DLG2: variants seen among roughly 807,000 people sequenced by gnomAD.
DLG2 encodes discs large MAGUK scaffold protein 2.
In DLG2, 45 loss-of-function variants were observed where a neutral mutation model predicts 132.5. That is an observed-to-expected ratio of 0.34 (90% CI 0.27 to 0.44). The LOEUF (loss-of-function observed/expected upper bound fraction) is 0.44. Among genes scored for constraint, DLG2 ranks in the 20% least tolerant of loss-of-function variants. The pLI, the probability that DLG2 is intolerant of heterozygous loss-of-function variation, is 1.00. For missense variants in DLG2, 1,045 were observed against 1,196.9 expected, an observed-to-expected ratio of 0.87 and a Z score of 1.87; for synonymous variants, 424 against 419.6, an observed-to-expected ratio of 1.01 and a Z score of -0.13.
At chr11:84,121,986 G>C (rs1640855521) in intron 9 of DLG2, among the ~76,000 whole-genome samples, 1 of 152,058 alleles carries the variant, frequency 6.6e-6, no homozygotes, top group South Asian at 2.1e-4. Flanking sequence ...TAGAAACTCA[G>C]TGGTCACTTG....
At chr11:83,921,073 T>G (rs2077792492) in intron 15 of DLG2, among the ~76,000 whole-genome samples, 1 of 152,116 alleles carries the variant, frequency 6.6e-6, no homozygotes. Flanking sequence ...AAATTCTACC[T>G]TAGAAAGGTT....
At chr11:83,980,690 T>C in intron 11 of DLG2, 48 bp from the exon 12 acceptor site, 1 of 1,451,568 alleles carries the variant, frequency 6.9e-7, no homozygotes, top group South Asian at 1.6e-5. Flanking sequence ...GTTGTTGTAG[T>C]TGTTTTTAGA....
At chr11:83,665,819 G>A (rs1209276237) in intron 18 of DLG2, among the ~76,000 whole-genome samples, 2 of 152,174 alleles carry the variant, frequency 1.3e-5, no homozygotes, top group Non-Finnish European at 2.9e-5. Context: ...AACGGGGAAT[G>A]CGTTACAATA....
intron 9 of DLG2, among the ~76,000 whole-genome samples, chr11:84,133,456 T>C (rs34770791): frequency 0.035 from 5,285 of 152,100 alleles, 142 homozygotes; most frequent in Non-Finnish European, 0.055. Context: ...ATTTATAGGA[T>C]TATTTTATTT....
intron 3 of DLG2, among the ~76,000 whole-genome samples, chr11:85,466,850 G>A (rs1200803065): frequency 6.6e-6 from 1 of 152,194 alleles, no homozygotes; most frequent in Non-Finnish European, 1.5e-5. Context: ...TGTGAAGAAA[G>A]TCATTGGTAG....
chr11:83,941,577 G>A (rs1311881323), intron 14 of DLG2, among the ~76,000 whole-genome samples: 2 of 151,918 alleles, frequency 1.3e-5, no homozygotes, highest in African/African-American at 4.8e-5. Flanking sequence ...TGTATTTTTA[G>A]TAGAGACAGT....
intron 16 of DLG2, among the ~76,000 whole-genome samples, chr11:83,872,307 A>C (rs140583360): frequency 3.8e-4 from 58 of 152,316 alleles, no homozygotes; most frequent in African/African-American, 1.4e-3. Flanking sequence ...TTAGCTGTTG[A>C]GGAAACCCAT....
chr11:85,398,488 G>C (rs935963789), intron 3 of DLG2, among the ~76,000 whole-genome samples: 4 of 152,024 alleles, frequency 2.6e-5, no homozygotes, highest in African/African-American at 7.2e-5. Context: ...ATGAATCCAG[G>C]AGCTGGATTT....
chr11:85,061,306 G>T (rs576771888), intron 6 of DLG2, among the ~76,000 whole-genome samples: 1 of 143,120 alleles, frequency 7.0e-6, no homozygotes, highest in South Asian at 2.3e-4. Flanking sequence ...GAGTTATTCT[G>T]ACTTCACTCT....
Position 84,458,192 on chromosome 11 carries a change from A to G in DLG2, c.519+76378T>C, listed in dbSNP as rs749934117. Among the ~76,000 whole-genome samples the G allele has an allele frequency of 6.0e-5, 9 of 150,986 alleles. No homozygotes were observed. The South Asian group carries it at 1.2e-3, about 21-fold the overall frequency. On this transcript the variant is annotated intron_variant, in intron 7 of 27. Transcript: ENST00000376104. Reference sequence around the variant, plus strand: ...ATTTCCTGTGGCTGAATAATATTCCATCTCATGAATGTGTCAACTATTACA... The same window carrying G: ...ATTTCCTGTGGCTGAATAATATTCCGTCTCATGAATGTGTCAACTATTACA...
intron 4 of DLG2, among the ~76,000 whole-genome samples, chr11:85,271,478 C>T (rs921870108): frequency 2.0e-5 from 3 of 152,202 alleles, no homozygotes; most frequent in African/African-American, 7.2e-5. Context: ...GAGAAGAATG[C>T]CACTGTCCTC....
intron 6 of DLG2, among the ~76,000 whole-genome samples, chr11:84,855,482 T>TC (rs2082662284): frequency 6.6e-6 from 1 of 152,050 alleles, no homozygotes; most frequent in African/African-American, 2.4e-5. Context: ...AACATTATTT[T>TC]CCCCTTATCT....
chr11:83,920,447 C>T (rs1045842205), intron 15 of DLG2, among the ~76,000 whole-genome samples: 7 of 152,090 alleles, frequency 4.6e-5, no homozygotes, highest in African/African-American at 7.2e-5. Context: ...GCTTGCACAG[C>T]CCTTCCCCCA....
At chr11:84,073,142 G>T (rs2154146166) in intron 10 of DLG2, among the ~76,000 whole-genome samples, 1 of 152,266 alleles carries the variant, frequency 6.6e-6, no homozygotes. Context: ...CAAATAGAGT[G>T]AATGAATTTT....
At chr11:84,006,605 A>G (rs918388023) in intron 11 of DLG2, among the ~76,000 whole-genome samples, 2 of 151,622 alleles carry the variant, frequency 1.3e-5, no homozygotes, top group Non-Finnish European at 3.0e-5. Context: ...TTTGATCATT[A>G]CATATTCTAT....
intron 19 of DLG2, among the ~76,000 whole-genome samples, chr11:83,580,410 T>C (rs775133781): frequency 1.3e-5 from 2 of 152,046 alleles, no homozygotes; most frequent in Non-Finnish European, 2.9e-5. Flanking sequence ...GCACTAGGGC[T>C]AACAAAGATA....
chr11:84,961,145 A>G (rs1297725141), intron 6 of DLG2, among the ~76,000 whole-genome samples: 1 of 151,234 alleles, frequency 6.6e-6, no homozygotes, highest in African/African-American at 2.4e-5. Context: ...GCCTTTATAT[A>G]GGACTTCAGT....
At chr11:84,249,953 T>A (rs1010442694) in intron 8 of DLG2, among the ~76,000 whole-genome samples, 1 of 152,188 alleles carries the variant, frequency 6.6e-6, no homozygotes, top group Non-Finnish European at 1.5e-5. Context: ...AGTCCCAACC[T>A]TGTACTCCAG....
At chr11:85,398,408 A>G (rs2087641816) in intron 3 of DLG2, among the ~76,000 whole-genome samples, 1 of 152,150 alleles carries the variant, frequency 6.6e-6, no homozygotes, top group Non-Finnish European at 1.5e-5. Context: ...AGCTAGCAGA[A>G]GGCAAGAAAT....
Sources: gnomAD v4.1 joint callset for allele counts (sites outside exome capture counted in the v4.1 genomes callset) on GRCh38, gnomAD v4.1.1 for gene constraint, MANE v1.5 for transcripts, NCBI Gene and HGNC (gene_info 2026-07-23, HGNC 2026-07-21) for gene names.